Variants in ULK2 observed in about 807,000 individuals in gnomAD.
ULK2 encodes serine/threonine-protein kinase ULK2.
Under a neutral mutation model 127.5 loss-of-function variants are expected in ULK2, and 76 were observed. The observed-to-expected ratio is 0.60, with a 90% confidence interval of 0.50 to 0.72. ULK2 has a LOEUF of 0.72. ULK2 is among the 30% of genes least tolerant of loss of function. ULK2 has a pLI of 0.00. For synonymous variants in ULK2, 452 were observed against 461.9 expected, an observed-to-expected ratio of 0.98 and a Z score of 0.28; for missense variants, 1,144 against 1,295.9, an observed-to-expected ratio of 0.88 and a Z score of 1.80.
rs756799284 is a variant in ULK2 at position 19,867,370 on chromosome 17, T to C, written c.48A>G (p.Gly16=). Residue 16 remains glycine (G), a synonymous_variant, in exon 1 of 27, where the codon GGA becomes GGG. Transcript: ENST00000395544. ...DFEYSKRDLV[G]HGAFAVVFRG... Reference sequence around the variant, plus strand: ...GGAAGACCACGGCGAAGGCCCCGTGTCCCACGAGATCCCTCTTGCTGTACT... The same window carrying C: ...GGAAGACCACGGCGAAGGCCCCGTGCCCCACGAGATCCCTCTTGCTGTACT... 5.0e-6 allele frequency: 8 copies of C among 1,603,002 alleles called. No homozygotes were observed. In the African/African-American group the frequency reaches 6.8e-5, roughly 14 times the overall value.
At chr17:19,833,554 C>A (rs950104695) in intron 10 of ULK2, among the ~76,000 whole-genome samples, 1 of 151,712 alleles carries the variant, frequency 6.6e-6, no homozygotes, top group Non-Finnish European at 1.5e-5. Flanking sequence ...ATTAAAAACA[C>A]AAAAAATTAG....
chr17:19,801,909 G>A lies in ULK2; in HGVS notation c.1309C>T (p.Arg437Ter), dbSNP rs2087409830. 15 of 1,606,542 alleles carry A rather than the reference G, an allele frequency of 9.3e-6. No individual in the cohort carries two copies. Among genetic ancestry groups the A allele is most frequent in the African/African-American group, 1.3e-5 (1 of 74,368 alleles). The change falls in exon 16 of 27, where the codon CGA becomes TGA. Residue 437 changes from arginine to a stop codon, truncating the protein, a stop_gained. Coordinates refer to ENST00000395544, the MANE Select transcript of ULK2 (RefSeq NM_014683.4). LOFTEE classifies it high-confidence loss of function. ...VHGSPRSAVV[R>*]RSNTSPMGFL... ...CCCATGGGGCTGGTGTTGGACCTTC[G>A]TACCACTGCAGATCTGAAAAGTAAA... is the stretch of plus-strand genomic sequence containing the variant.
intron 20 of ULK2, among the ~76,000 whole-genome samples, chr17:19,794,020 C>CA (rs2087212664): frequency 6.6e-6 from 1 of 152,102 alleles, no homozygotes; most frequent in South Asian, 2.1e-4. Context: ...GATGGAAACT[C>CA]AGAGTCAAAA....
At chr17:19,820,529 T>C (rs906546069) in intron 12 of ULK2, among the ~76,000 whole-genome samples, 6 of 152,206 alleles carry the variant, frequency 3.9e-5, no homozygotes, top group African/African-American at 1.4e-4. Context: ...AAAAGGCCTA[T>C]ATTTGAGCTA....
intron 16 of ULK2, 64 bp from the exon 17 acceptor site, chr17:19,799,639 T>C: frequency 7.0e-7 from 1 of 1,426,414 alleles, no homozygotes; most frequent in Non-Finnish European, 9.3e-7. Flanking sequence ...CAATAAAAGA[T>C]GGCAACAGGC....
At chr17:19,854,612 T>C (rs1459340274) in intron 3 of ULK2, among the ~76,000 whole-genome samples, 2 of 152,114 alleles carry the variant, frequency 1.3e-5, no homozygotes, top group African/African-American at 4.8e-5. Flanking sequence ...GTTGAGTCCC[T>C]ACATTATCCC....
chr17:19,814,439 T>TATATA (rs1491246393), intron 13 of ULK2, among the ~76,000 whole-genome samples: 134 of 9,922 alleles, frequency 0.014, no homozygotes, highest in African/African-American at 0.024. Context: ...TATATATATA[T>TATATA]TTTTTTTTTT....
In ULK2 at chr17:19,796,211, C is replaced by T; in HGVS notation, c.1881G>A (p.Gly627=). 1.2e-6 allele frequency: 2 copies of T among 1,614,102 alleles called. No homozygotes were observed. The highest frequency in any genetic ancestry group is 1.7e-6 in the Non-Finnish European group (2 of 1,180,036). Residue 627 remains glycine, a synonymous_variant, in exon 19 of 27, where the codon GGG becomes GGA. Transcript: ENST00000395544. ...SNLLALVTRH[G]PAEEQSKDGN... is the part of the protein sequence containing the mutation. Reference sequence around the variant, plus strand: ...CATCTTTCGACTGTTCTTCAGCAGGCCCATGACGAGTAACCAAGGCTAACA... The same window carrying T: ...CATCTTTCGACTGTTCTTCAGCAGGTCCATGACGAGTAACCAAGGCTAACA...
chr17:19,796,731 C>T (rs1441975598), intron 18 of ULK2, among the ~76,000 whole-genome samples: 3 of 152,182 alleles, frequency 2.0e-5, no homozygotes, highest in South Asian at 2.1e-4. Flanking sequence ...CCCTAGCCCG[C>T]TCCTTCACTG....
chr17:19,778,665 G>T (rs1006097744), intron 25 of ULK2, among the ~76,000 whole-genome samples: 3 of 152,018 alleles, frequency 2.0e-5, no homozygotes, highest in Non-Finnish European at 4.4e-5. Flanking sequence ...CTGTTGCCTA[G>T]ACTAATCTTG....
chr17:19,799,643 A>G, intron 16 of ULK2, 68 bp from the exon 17 acceptor site: 1 of 1,428,406 alleles, frequency 7.0e-7, no homozygotes, highest in Non-Finnish European at 9.3e-7. Context: ...AAAAGATGGC[A>G]ACAGGCAACA....
chr17:19,826,499 C>T (rs1311040675), intron 10 of ULK2, among the ~76,000 whole-genome samples: 3 of 152,174 alleles, frequency 2.0e-5, no homozygotes, highest in African/African-American at 7.2e-5. Flanking sequence ...TGCCACCCTC[C>T]AGTGGACAGC....
At chr17:19,804,882 T>C (rs748776802) in intron 14 of ULK2, 52 bp from the exon 15 acceptor site, 3 of 1,592,316 alleles carry the variant, frequency 1.9e-6, no homozygotes, top group Non-Finnish European at 1.7e-6. Flanking sequence ...GGATTGTTTT[T>C]CTTTCATTTG....
intron 20 of ULK2, among the ~76,000 whole-genome samples, chr17:19,794,633 T>C (rs1001797430): frequency 2.6e-5 from 4 of 152,038 alleles, no homozygotes; most frequent in Admixed American, 2.0e-4. Context: ...TATTAAATCC[T>C]ACAGTATTCT....
At position 19,846,897 on chromosome 17, in the gene ULK2, G is replaced by C. The variant is rs140432824; in HGVS notation, c.309C>G (p.Leu103=). The C allele has an allele frequency of 1.8e-4, 295 of 1,609,662 alleles. No homozygotes were observed. The highest frequency in any genetic ancestry group is 2.4e-4 in the Admixed American group (14 of 59,150). The change falls in exon 6 of 27, where the codon CTC becomes CTG. Residue 103 remains leucine, a synonymous_variant. Transcript: ENST00000395544. ...GAAACACTCTGATCGTGTCTTCACT[G>C]AGAGTCCCTTTCGCTGGTACAAAAG... ...LADYLQAKGT[L]SEDTIRVFLH...
intron 9 of ULK2, chr17:19,840,508 C>CAATA (rs1366919783): frequency 4.5e-6 from 2 of 444,048 alleles, no homozygotes; most frequent in African/African-American, 4.1e-5. Flanking sequence ...TTTAACCTCT[C>CAATA]ATATTAAGTC....
At chr17:19,831,352 G>A (rs557906946) in intron 10 of ULK2, among the ~76,000 whole-genome samples, 1 of 152,102 alleles carries the variant, frequency 6.6e-6, no homozygotes, top group South Asian at 2.1e-4. Flanking sequence ...AGATCTGGGT[G>A]GGACACAGAG....
chr17:19,832,349 C>A (rs904287309), intron 10 of ULK2, among the ~76,000 whole-genome samples: 1 of 151,480 alleles, frequency 6.6e-6, no homozygotes, highest in African/African-American at 2.4e-5. Flanking sequence ...CTCACTGTAG[C>A]CTTGACCTCC....
rs184903099 is a variant in ULK2 at position 19,856,691 on chromosome 17, G to A, written c.226-6917C>T. On this transcript the variant is annotated intron_variant, in intron 3 of 26. Transcript: ENST00000395544. ...TTATTTGCTATAAAACGAGTTTTACGGCCGGGTGCAGTGGCTCACGCCTGG... is the reference window on the plus strand; with the variant it reads ...TTATTTGCTATAAAACGAGTTTTACAGCCGGGTGCAGTGGCTCACGCCTGG... Among the ~76,000 whole-genome samples the A allele has an allele frequency of 5.1e-3, 775 of 151,380 alleles. 5 individuals are homozygous for A. Among genetic ancestry groups the A allele is most frequent in the African/African-American group, 0.018 (743 of 41,280 alleles).
Sources: allele counts gnomAD v4.1 joint callset (sites outside exome capture counted in the v4.1 genomes callset), GRCh38; gene constraint gnomAD v4.1.1; transcripts MANE v1.5; gene names NCBI Gene and HGNC (gene_info 2026-07-23, HGNC 2026-07-21).